The following CRMP1 variants were observed in gnomAD, a reference collection of about 807,000 sequenced individuals.
CRMP1 encodes dihydropyrimidinase-related protein 1.
A neutral mutation model predicts 68.3 loss-of-function variants in CRMP1; 19 were observed. The ratio of observed to expected loss-of-function variants is 0.28; its 90% confidence interval spans 0.19 to 0.41. The LOEUF is 0.41. Ranked by LOEUF, CRMP1 falls within the 10% of genes least tolerant of loss-of-function variation. The probability of loss-of-function intolerance (pLI) is 1.00; values close to 1 mark genes in which losing one functional copy is unlikely to be tolerated. For missense variants in CRMP1, 791 were observed against 967.4 expected, an observed-to-expected ratio of 0.82 and a Z score of 2.42; for synonymous variants, 439 against 399.6, an observed-to-expected ratio of 1.10 and a Z score of -1.18.
At position 5,892,886 on chromosome 4, in the gene CRMP1, C is replaced by G. The variant is rs1283056446; in HGVS notation, c.84G>C (p.Pro28=). 7.1e-6 allele frequency: 10 copies of G among 1,408,258 alleles called. No homozygotes were observed. The highest frequency in any genetic ancestry group is 2.8e-5 in the South Asian group (2 of 71,872). The allele number at this position is 1,408,258 out of a possible 1,614,324, so 87.2% of individuals were successfully genotyped here. A position where few individuals can be genotyped will look rare whatever the true frequency, so the allele number is the denominator to read the frequency against. The change falls in exon 1 of 14, where the codon CCG becomes CCC. Residue 28 remains proline (P), a synonymous_variant. Transcript: ENST00000324989. This position sits in a 1 kb window ranked among gnomAD's most constrained non-coding sequence, Gnocchi z 8.6. The stretch of plus-strand genomic sequence containing the variant: ...CGAACATGCCGCCGTACTTCTGGCG[C>G]GGGGTCTGCGCCGCGCTGCCCGGCC... ...LARPGSAAQT[P]RQKYGGMFAA...
In CRMP1 at chr4:5,866,558, C is replaced by G. The variant is rs1332365231; in HGVS notation, c.470+110G>C. 3.9e-6 allele frequency: 3 copies of G among 760,244 alleles called. No individual in the cohort carries two copies. The highest frequency in any genetic ancestry group is 8.0e-4 in the Middle Eastern group (2 of 2,502). 47.1% of individuals were successfully genotyped at this position (760,244 alleles called of 1,614,324 possible). ...CTGTGAGGTCTCTACCCCTGAAACA[C>G]AGGTACACAGCCCCGTCATTCTAGG... On this transcript the variant is annotated intron_variant, in intron 2 of 13. Coordinates refer to ENST00000324989, the MANE Select transcript of CRMP1 (RefSeq NM_001014809.3). The surrounding 1 kb of genome is among the most constrained non-coding windows in gnomAD (Gnocchi z 5.9).
intron 11 of CRMP1, among the ~76,000 whole-genome samples, chr4:5,829,169 T>C (rs185649059): frequency 6.6e-6 from 1 of 152,326 alleles, no homozygotes; most frequent in East Asian, 1.9e-4. Context: ...CCCTCCAGCA[T>C]TGGGTAATGC....
rs369150626 is a variant in CRMP1, at chr4:5,821,886, C to G, written c.1970-35G>C. 3.8e-6 allele frequency: 6 copies of G among 1,563,076 alleles called. No individual in the cohort carries two copies. The highest frequency in any genetic ancestry group is 5.2e-6 in the Non-Finnish European group (6 of 1,152,814). The stretch of plus-strand genomic sequence containing the variant: ...AGCGCCAATCGCTGCTGGATGGGAT[C>G]TGTTAGCATCAGTTCCACGCTGCTC... On this transcript the variant is annotated intron_variant, in intron 13 of 13. Transcript: ENST00000324989. This position sits in a 1 kb window ranked among gnomAD's most constrained non-coding sequence, Gnocchi z 4.4.
At position 5,872,619 on chromosome 4, in the gene CRMP1, G is replaced by C. The variant is rs1427190811; in HGVS notation, c.382-5863C>G. 1.3e-5 allele frequency among the ~76,000 whole-genome samples: 2 copies of C among 152,174 alleles called. No individual in the cohort carries two copies. Among genetic ancestry groups the C allele is most frequent in the African/African-American group, 4.8e-5 (2 of 41,450 alleles). On this transcript the variant is annotated intron_variant, in intron 1 of 13. Transcript: ENST00000324989. This position sits in a 1 kb window ranked among gnomAD's most constrained non-coding sequence, Gnocchi z 4.6. ...GGAGAATCACTTGAACCCAGGAGGC[G>C]GAGGTTGCAGTGAGCTGAGATCGCA...
In CRMP1 at chr4:5,828,090, A is replaced by C. The variant is rs1719968674; in HGVS notation, c.1803+399T>G. The C allele has an allele frequency of 3.0e-6, 3 of 985,302 alleles. No homozygotes were observed. In the South Asian group the frequency reaches 1.4e-4, roughly 46 times the overall value. 61.0% of individuals were successfully genotyped at this position (985,302 alleles called of 1,614,324 possible). A position where few individuals can be genotyped will look rare whatever the true frequency, so the allele number is the denominator to read the frequency against. ...ACCTTGCTCCACAGGGCCAGACCCG[A>C]GGGTTTCTGAGCCGTGACTCTGGCT... On this transcript the variant is annotated intron_variant, in intron 12 of 13. Coordinates refer to ENST00000324989, the MANE Select transcript of CRMP1 (RefSeq NM_001014809.3).
At chr4:5,836,201 CT>C (rs1161708585) in intron 10 of CRMP1, 116 bp from the exon 11 acceptor site, 3 of 912,806 alleles carry the variant, frequency 3.3e-6, no homozygotes, top group Non-Finnish European at 4.5e-6. Context: ...GAATTCTCTC[CT>C]CTCCCAGCTA....
At chr4:5,862,643 T>C (rs1376597862) in intron 2 of CRMP1, among the ~76,000 whole-genome samples, 2 of 152,316 alleles carry the variant, frequency 1.3e-5, no homozygotes, top group East Asian at 3.9e-4. Flanking sequence ...GGCAAAGGCC[T>C]GGGCACGGTC....
Position 5,853,373 on chromosome 4 carries a change from C to T in CRMP1, c.821-1904G>A, listed in dbSNP as rs1712807653. On this transcript the variant is annotated intron_variant, in intron 4 of 13. Coordinates refer to ENST00000324989, the MANE Select transcript of CRMP1 (RefSeq NM_001014809.3). The surrounding 1 kb of genome is among the most constrained non-coding windows in gnomAD (Gnocchi z 4.7). ...GAGCTGAGATCTCGCCATTGCACTC[C>T]AGCCTGGGTGACAGAGTAAGACTCC... 6.6e-6 allele frequency among the ~76,000 whole-genome samples: 1 copy of T among 152,140 alleles called. No homozygotes were observed. Among genetic ancestry groups the T allele is most frequent in the African/African-American group, 2.4e-5 (1 of 41,424 alleles).
At position 5,843,048 on chromosome 4, in the gene CRMP1, T is replaced by C. The variant is rs747229158; in HGVS notation, c.1032+45A>G. 3.2e-6 allele frequency: 5 copies of C among 1,578,590 alleles called. No individual in the cohort carries two copies. Among genetic ancestry groups the C allele is most frequent in the Non-Finnish European group, 3.5e-6 (4 of 1,148,770 alleles). ...GCTGGAACAGCATCAAGGTGAGTGCTCAGTGGTGAGTGTCAGAGTCATGCC... is the reference window on the plus strand; with the variant it reads ...GCTGGAACAGCATCAAGGTGAGTGCCCAGTGGTGAGTGTCAGAGTCATGCC... On this transcript the variant is annotated intron_variant, in intron 7 of 13. Coordinates refer to ENST00000324989, the MANE Select transcript of CRMP1 (RefSeq NM_001014809.3). The surrounding 1 kb of genome is among the most constrained non-coding windows in gnomAD (Gnocchi z 4.1).
At position 5,821,809 on chromosome 4, in the gene CRMP1, C is replaced by T. The variant is rs910781348; in HGVS notation, c.2012G>A (p.Arg671His). ...DDNNPRRTGH[R>H]IVAPPGGRSN... ...GCGGCCACCAGGGGGCGCCACGATG[C>T]GGTGGCCGGTGCGCCTGGGATTGTT... Residue 671 changes from arginine (R) to histidine (H), a missense_variant, in exon 14 of 14, where the codon CGC (arginine) becomes CAC (histidine). By Grantham distance (29) the Arg-to-His change is conservative. Transcript: ENST00000324989. The surrounding 1 kb of genome is among the most constrained non-coding windows in gnomAD (Gnocchi z 4.4). The T allele has an allele frequency of 6.2e-7, 1 of 1,611,078 alleles. No individual in the cohort carries two copies. Among genetic ancestry groups the T allele is most frequent in the Non-Finnish European group, 8.5e-7 (1 of 1,179,154 alleles).
chr4:5,863,139 A>T (rs1713714615), intron 2 of CRMP1, among the ~76,000 whole-genome samples: 1 of 149,126 alleles, frequency 6.7e-6, no homozygotes, highest in Non-Finnish European at 1.5e-5. Context: ...TTAAAGAAAC[A>T]GGACATTTCC....
In CRMP1 at chr4:5,821,928, C is replaced by T. The variant is rs972461259; in HGVS notation, c.1970-77G>A. On this transcript the variant is annotated intron_variant, in intron 13 of 13. Coordinates refer to ENST00000324989, the MANE Select transcript of CRMP1 (RefSeq NM_001014809.3). The surrounding 1 kb of genome is among the most constrained non-coding windows in gnomAD (Gnocchi z 4.4). ...ACGCTGCTCCTGGAGGCCATGTACTCTGCCATGCACTCCACTGGACCCACC... is the reference window on the plus strand; with the variant it reads ...ACGCTGCTCCTGGAGGCCATGTACTTTGCCATGCACTCCACTGGACCCACC... The T allele has an allele frequency of 8.9e-7, 1 of 1,129,848 alleles. No homozygotes were observed. Among genetic ancestry groups the T allele is most frequent in the African/African-American group, 2.5e-5 (1 of 40,576 alleles). The allele number at this position is 1,129,848 out of a possible 1,614,324, so 70.0% of individuals were successfully genotyped here. A position where few individuals can be genotyped will look rare whatever the true frequency, so the allele number is the denominator to read the frequency against.
At position 5,842,036 on chromosome 4, in the gene CRMP1, G is replaced by A. The variant is rs1429193492; in HGVS notation, c.1033-608C>T. On this transcript the variant is annotated intron_variant, in intron 7 of 13. Coordinates refer to ENST00000324989, the MANE Select transcript of CRMP1 (RefSeq NM_001014809.3). The surrounding 1 kb of genome is among the most constrained non-coding windows in gnomAD (Gnocchi z 4.5). ...TCTCTATTCACGAGGTCAGGAGATC[G>A]AGACCATCCTGGCTAACACGGTGAA... 6.6e-6 allele frequency among the ~76,000 whole-genome samples: 1 copy of A among 152,160 alleles called. No individual in the cohort carries two copies. Among genetic ancestry groups the A allele is most frequent in the Non-Finnish European group, 1.5e-5 (1 of 68,042 alleles).
In CRMP1 at chr4:5,841,346, T is replaced by G; in HGVS notation, c.1115A>C (p.Lys372Thr). 6.2e-7 allele frequency: 1 copy of G among 1,614,086 alleles called. No homozygotes were observed. Among genetic ancestry groups the G allele is most frequent in the Non-Finnish European group, 8.5e-7 (1 of 1,180,014 alleles). ...CPVYITKVMSKSAADIIALAR... is the reference protein window; with the variant it reads ...CPVYITKVMSTSAADIIALAR... ...CAGAGCGATGATGTCGGCTGCACTC[T>G]TGCTCATGACCTTGGTGATGTACAC... is the stretch of plus-strand genomic sequence containing the variant. The change falls in exon 8 of 14, where the codon AAG (lysine) becomes ACG (threonine). Residue 372 changes from lysine (K) to threonine (T), a missense_variant. By Grantham distance (78) the Lys-to-Thr change is moderately conservative (BLOSUM62 -1). Transcript: ENST00000324989. This position sits in a 1 kb window ranked among gnomAD's most constrained non-coding sequence, Gnocchi z 6.9.
rs1456351791 is a variant in CRMP1 at position 5,861,718 on chromosome 4, G to GC, written c.471-509dup. ...GGTGGCTTCTGGTTTTTATTTGCTG[G>GC]CACCAGAGTCAGGAGGTCCCTCAAG... On this transcript the variant is annotated intron_variant, in intron 2 of 13. Transcript: ENST00000324989. The surrounding 1 kb of genome is among the most constrained non-coding windows in gnomAD (Gnocchi z 6.0). Among the ~76,000 whole-genome samples the GC allele has an allele frequency of 6.6e-6, 1 of 152,114 alleles. No individual in the cohort carries two copies. The highest frequency in any genetic ancestry group is 1.5e-5 in the Non-Finnish European group (1 of 68,024).
chr4:5,868,273 A>ATATATATATATATATC, intron 1 of CRMP1, among the ~76,000 whole-genome samples: 1 of 36,794 alleles, frequency 2.7e-5, no homozygotes, highest in South Asian at 9.8e-4. Context: ...ATATATATAT[A>ATATATATATATATATC]TATATATATA....
At chr4:5,824,738 A>G in intron 13 of CRMP1, 1 of 985,322 alleles carries the variant, frequency 1.0e-6, no homozygotes, top group Non-Finnish European at 1.2e-6. Flanking sequence ...CTAAGAAAAA[A>G]AATCACCATA....
At chr4:5,847,962 A>C (rs1173224914) in intron 6 of CRMP1, among the ~76,000 whole-genome samples, 1 of 152,090 alleles carries the variant, frequency 6.6e-6, no homozygotes, top group Non-Finnish European at 1.5e-5. Flanking sequence ...TAACCAATCC[A>C]TGCCTCTGCA....
chr4:5,865,739 C>T lies in CRMP1; in HGVS notation c.470+929G>A, dbSNP rs753165122. ...GCCCACCCCATGGGACTACCTTTAG[C>T]GACAGGGCCTTTAAGGAGGTGATTA... On this transcript the variant is annotated intron_variant, in intron 2 of 13. Transcript: ENST00000324989. This position sits in a 1 kb window ranked among gnomAD's most constrained non-coding sequence, Gnocchi z 4.1. Among the ~76,000 whole-genome samples the T allele has an allele frequency of 2.0e-5, 3 of 151,992 alleles. No individual in the cohort carries two copies. Among genetic ancestry groups the T allele is most frequent in the African/African-American group, 4.8e-5 (2 of 41,376 alleles).
Sources: gnomAD v4.1 joint callset for allele counts (sites outside exome capture counted in the v4.1 genomes callset) on GRCh38, gnomAD v4.1.1 for gene constraint, Gnocchi (gnomAD v3.1) non-coding constraint, MANE v1.5 for transcripts, NCBI Gene and HGNC (gene_info 2026-07-23, HGNC 2026-07-21) for gene names.